The following ARHGEF1 variants were observed in gnomAD, a reference collection of about 807,000 sequenced individuals.
The protein encoded by ARHGEF1 is Rho guanine nucleotide exchange factor 1.
Under a neutral mutation model 119.7 loss-of-function variants are expected in ARHGEF1, and 40 were observed. The observed-to-expected ratio is 0.33, with a 90% CI of 0.26 to 0.44. ARHGEF1 has a LOEUF of 0.44. ARHGEF1 is among the 20% of genes least tolerant of loss of function. The pLI, the probability that ARHGEF1 is intolerant of heterozygous loss-of-function variation, is 1.00. For missense variants in ARHGEF1, 976 were observed against 1,268.3 expected (o/e 0.77, Z 3.50); for synonymous variants, 494 against 521.0 (o/e 0.95, Z 0.71).
At chr19:41,887,050 GAGAC>G (rs1316134537) in intron 1 of ARHGEF1, among the ~76,000 whole-genome samples, 2 of 152,192 alleles carry the variant, frequency 1.3e-5, no homozygotes, top group African/African-American at 4.8e-5. Context: ...GGAGAGATGA[GAGAC>G]AGCACATGAG....
In ARHGEF1 at chr19:41,906,353, C is replaced by A; in HGVS notation, c.2492-104C>A. 1 of 1,208,294 alleles carries A rather than the reference C, an allele frequency of 8.3e-7. No homozygotes were observed. The highest frequency in any genetic ancestry group is 1.1e-6 in the Non-Finnish European group (1 of 873,358). The allele number at this position is 1,208,294 out of a possible 1,614,324, so 74.8% of individuals were successfully genotyped here. On this transcript the variant is annotated intron_variant, in intron 26 of 28. Transcript: ENST00000354532. This position sits in a 1 kb window ranked among gnomAD's most constrained non-coding sequence, Gnocchi z 4.5. ...CATCTGCTCAGCCTTGCCTGGCACC[C>A]ACCTTCACCTCCAGCCCCTACACAT...
chr19:41,888,971 A>G lies in ARHGEF1; in HGVS notation c.225+106A>G, dbSNP rs1272398673. The G allele has an allele frequency of 3.3e-6, 3 of 918,260 alleles. No homozygotes were observed. The East Asian group carries it at 8.0e-5, about 24-fold the overall frequency. The allele number at this position is 918,260 out of a possible 1,614,324, so 56.9% of individuals were successfully genotyped here. A position where few individuals can be genotyped will look rare whatever the true frequency, so the allele number is the denominator to read the frequency against. On this transcript the variant is annotated intron_variant, in intron 4 of 28. Coordinates refer to ENST00000354532, the MANE Select transcript of ARHGEF1 (RefSeq NM_004706.4). The surrounding 1 kb of genome is among the most constrained non-coding windows in gnomAD (Gnocchi z 5.1). ...GTGCCTGGAGGGTCTGGAAAAGCAG[A>G]TCTAGAACACAGAGAGCCAGATCTA...
At chr19:41,898,361 C>T (rs1009215297) in intron 13 of ARHGEF1, 81 bp from the exon 14 acceptor site, 43 of 1,542,666 alleles carry the variant, frequency 2.8e-5, no homozygotes, top group African/African-American at 5.5e-5. Context: ...GGCCACTGAC[C>T]GGGGTTGAAC....
intron 13 of ARHGEF1, chr19:41,897,098 C>T (rs1418178184): frequency 2.8e-6 from 1 of 359,444 alleles, no homozygotes; most frequent in Non-Finnish European, 5.3e-6. Flanking sequence ...CCCCTGCCCC[C>T]CACCCCCCGC....
chr19:41,900,432 C>T (rs1261031652), intron 14 of ARHGEF1, among the ~76,000 whole-genome samples: 2 of 152,176 alleles, frequency 1.3e-5, no homozygotes, highest in Non-Finnish European at 2.9e-5. Context: ...TGGTGACTAT[C>T]ACGTTGGACA....
intron 1 of ARHGEF1, among the ~76,000 whole-genome samples, chr19:41,925,309 G>A (rs2074865265): frequency 6.6e-6 from 1 of 152,056 alleles, no homozygotes; most frequent in African/African-American, 2.4e-5. Context: ...GAGAAACATG[G>A]GAAATTAGGT....
intron 18 of ARHGEF1, among the ~76,000 whole-genome samples, chr19:41,914,201 G>A (rs543341379): frequency 1.1e-4 from 16 of 140,478 alleles, no homozygotes; most frequent in Non-Finnish European, 2.2e-4. Flanking sequence ...AGCCTCCCCT[G>A]TCCCAGGCCC....
Position 41,903,892 on chromosome 19 carries a change from C to T in ARHGEF1, c.1917+108C>T, listed in dbSNP as rs551924329. ...CCCATCCCATAATACACCCAGGAAG[C>T]GAGAGCTCTGTCCCCCACCTCATGC... On this transcript the variant is annotated intron_variant, in intron 20 of 28. Transcript: ENST00000354532. The surrounding 1 kb of genome is among the most constrained non-coding windows in gnomAD (Gnocchi z 4.2). 1.9e-3 allele frequency: 2,646 copies of T among 1,380,200 alleles called. 21 individuals are homozygous for T. Among genetic ancestry groups the T allele is most frequent in the Middle Eastern group, 0.016 (81 of 4,956 alleles). The allele number at this position is 1,380,200 out of a possible 1,614,324, so 85.5% of individuals were successfully genotyped here.
At position 41,892,491 on chromosome 19, in the gene ARHGEF1, CCTT is replaced by C. The variant is rs2074393123; in HGVS notation, c.368-108_368-106del. 3.2e-6 allele frequency: 5 copies of C among 1,586,656 alleles called. No individual in the cohort carries two copies. Among genetic ancestry groups the C allele is most frequent in the African/African-American group, 2.7e-5 (2 of 74,550 alleles). ...CTCGGACAGCCGAGATTCATTCATT[CCTT>C]CTTGGCAGCGGCCTCAGGACGTGTG... On this transcript the variant is annotated intron_variant, in intron 6 of 28. Coordinates refer to ENST00000354532, the MANE Select transcript of ARHGEF1 (RefSeq NM_004706.4). The surrounding 1 kb of genome is among the most constrained non-coding windows in gnomAD (Gnocchi z 6.3).
chr19:41,922,094 G>A (rs535804351), upstream of ARHGEF1, among the ~76,000 whole-genome samples: 4 of 152,076 alleles, frequency 2.6e-5, no homozygotes, highest in Middle Eastern at 3.2e-3. Flanking sequence ...CTGGAGGGGC[G>A]GGGGCAGAGA....
chr19:41,896,445 C>T lies in ARHGEF1; in HGVS notation c.1084C>T (p.Pro362Ser), dbSNP rs781864535. ...CCCAATGAGCCTGGAGTCCTTGGCG[C>T]CCCCAGAGAGTACCGACGAGGGGGC... ...QGPMSLESLAPPESTDEGAET... is the reference protein window; with the variant it reads ...QGPMSLESLASPESTDEGAET... The change falls in exon 13 of 29, where the codon CCC becomes TCC. Residue 362 changes from proline to serine, a missense_variant. Coordinates refer to ENST00000354532, the MANE Select transcript of ARHGEF1 (RefSeq NM_004706.4). 4.0e-6 allele frequency: 6 copies of T among 1,482,506 alleles called. No individual in the cohort carries two copies. The highest frequency in any genetic ancestry group is 5.4e-6 in the Non-Finnish European group (6 of 1,117,398). 91.8% of individuals were successfully genotyped at this position (1,482,506 alleles called of 1,614,324 possible).
At chr19:41,907,076 C>T (rs958790626) in intron 28 of ARHGEF1, 29 bp from the exon 29 acceptor site, 178 of 1,472,734 alleles carry the variant, frequency 1.2e-4, no homozygotes, top group Non-Finnish European at 1.5e-4. Flanking sequence ...CATCTCTCCC[C>T]GTCTCCCCTC....
chr19:41,898,102 C>T, intron 13 of ARHGEF1: 1 of 1,378,510 alleles, frequency 7.3e-7, no homozygotes, highest in Non-Finnish European at 9.3e-7. Flanking sequence ...TTGGCCCTGC[C>T]CGACGAGCCA....
At position 41,906,556 on chromosome 19, in the gene ARHGEF1, C is replaced by A; in HGVS notation, c.2591C>A (p.Pro864Gln). 6.3e-7 allele frequency: 1 copy of A among 1,596,268 alleles called. No homozygotes were observed. Among genetic ancestry groups the A allele is most frequent in the Non-Finnish European group, 8.5e-7 (1 of 1,175,300 alleles). ...GTCCCAGGGGGCGGCCCCCTGAGCCCAGCACGGACCCAGGAAATCCAGGAG... is the reference window on the plus strand; with the variant it reads ...GTCCCAGGGGGCGGCCCCCTGAGCCAAGCACGGACCCAGGAAATCCAGGAG... ...DGVPGGGPLS[P>Q]ARTQEIQENL... is the part of the protein sequence containing the mutation. The change falls in exon 27 of 29, where the codon CCA (proline) becomes CAA (glutamine). Residue 864 changes from proline (P) to glutamine (Q), a missense_variant. Coordinates refer to ENST00000354532, the MANE Select transcript of ARHGEF1 (RefSeq NM_004706.4). This position sits in a 1 kb window ranked among gnomAD's most constrained non-coding sequence, Gnocchi z 4.5.
exon 3 of ARHGEF1, chr19:41,929,898 G>C (rs10409822): frequency 0.73 from 110,528 of 152,108 alleles, 41,222 homozygotes; most frequent in African/African-American, 0.9. Context: ...GCCTGACAGA[G>C]AAGGTTCAGC....
At position 41,904,119 on chromosome 19, in the gene ARHGEF1, C is replaced by T; in HGVS notation, c.1993+9C>T. ...TAAGGACAAGGCAGTGGGTGAGTGCCAGAGCAGCTGCCTAGTGCAGGGTGT... is the reference window on the plus strand; with the variant it reads ...TAAGGACAAGGCAGTGGGTGAGTGCTAGAGCAGCTGCCTAGTGCAGGGTGT... On this transcript the variant is annotated intron_variant, in intron 21 of 28. Transcript: ENST00000354532. The surrounding 1 kb of genome is among the most constrained non-coding windows in gnomAD (Gnocchi z 8.4). 6.2e-7 allele frequency: 1 copy of T among 1,614,182 alleles called. No homozygotes were observed. Among genetic ancestry groups the T allele is most frequent in the Non-Finnish European group, 8.5e-7 (1 of 1,180,022 alleles).
At position 41,905,450 on chromosome 19, in the gene ARHGEF1, ATGTGTGCGTGTGCATG is replaced by A; in HGVS notation, c.2336+201_2336+216del. On this transcript the variant is annotated intron_variant, in intron 24 of 28. Coordinates refer to ENST00000354532, the MANE Select transcript of ARHGEF1 (RefSeq NM_004706.4). This position sits in a 1 kb window ranked among gnomAD's most constrained non-coding sequence, Gnocchi z 6.4. Reference sequence around the variant, plus strand: ...GCATATATAGTGTGTGTATGCATGCATGTGTGCGTGTGCATGTGTGTGCGTGTATGGTGTGTGTGTA... The same window carrying A: ...GCATATATAGTGTGTGTATGCATGCATGTGTGCGTGTATGGTGTGTGTGTA... 1.6e-6 allele frequency: 1 copy of A among 625,890 alleles called. No homozygotes were observed. The highest frequency in any genetic ancestry group is 2.8e-6 in the Non-Finnish European group (1 of 359,282). 38.8% of individuals were successfully genotyped at this position (625,890 alleles called of 1,614,324 possible).
At chr19:41,895,617 C>A in intron 12 of ARHGEF1, 131 bp downstream of exon 12, 1 of 977,120 alleles carries the variant, frequency 1.0e-6, no homozygotes, top group Non-Finnish European at 1.5e-6. Flanking sequence ...GCATCCACTT[C>A]TCCCTGCTCC....
chr19:41,896,024 G>C lies in ARHGEF1; in HGVS notation c.1016-353G>C, dbSNP rs534516347. Reference sequence around the variant, plus strand: ...TTTCTCTAAAGGAGTATGAGAGGGTGGGGAGGATGAATGGACGTGGAGGCA... The same window carrying C: ...TTTCTCTAAAGGAGTATGAGAGGGTCGGGAGGATGAATGGACGTGGAGGCA... On this transcript the variant is annotated intron_variant, in intron 12 of 28. Coordinates refer to ENST00000354532, the MANE Select transcript of ARHGEF1 (RefSeq NM_004706.4). 2.0e-5 allele frequency among the ~76,000 whole-genome samples: 3 copies of C among 152,328 alleles called. No individual in the cohort carries two copies. In the South Asian group the frequency reaches 6.2e-4, roughly 32 times the overall value.
Sources: allele counts gnomAD v4.1 joint callset (sites outside exome capture counted in the v4.1 genomes callset), GRCh38; gene constraint gnomAD v4.1.1; non-coding constraint Gnocchi (gnomAD v3.1); transcripts MANE v1.5; gene names NCBI Gene and HGNC (gene_info 2026-07-23, HGNC 2026-07-21).